TACC2: variants seen among roughly 807,000 people sequenced by gnomAD.
The protein encoded by TACC2 is transforming acidic coiled-coil containing protein 2.
TACC2 carries 137 observed loss-of-function variants against 227.3 expected under a neutral mutation model. The observed-to-expected ratio is 0.60, with a 90% CI of 0.52 to 0.69. The LOEUF (loss-of-function observed/expected upper bound fraction) is 0.69. Ranked by LOEUF, TACC2 falls within the 30% of genes least tolerant of loss-of-function variation. The pLI, the probability that TACC2 is intolerant of heterozygous loss-of-function variation, is 0.00. For synonymous variants in TACC2, 1,523 were observed against 1,487.5 expected (o/e 1.02, Z -0.55); for missense variants, 3,470 against 3,694.4 (o/e 0.94, Z 1.57).
chr10:122,124,518 G>A (rs1423132072), intron 5 of TACC2, among the ~76,000 whole-genome samples: 3 of 152,318 alleles, frequency 2.0e-5, no homozygotes, highest in South Asian at 2.1e-4. Context: ...TGGTCTGAGC[G>A]TCTGAGGTTC....
intron 1 of TACC2, among the ~76,000 whole-genome samples, chr10:122,013,012 TG>T (rs1242944105): frequency 2.0e-5 from 3 of 152,020 alleles, no homozygotes; most frequent in African/African-American, 7.2e-5. Flanking sequence ...AAAGCAGAAA[TG>T]GGGCTTGCAG....
intron 6 of TACC2, among the ~76,000 whole-genome samples, chr10:122,143,084 G>A (rs766534471): frequency 1.9e-4 from 29 of 152,286 alleles, no homozygotes; most frequent in Middle Eastern, 3.4e-3. Context: ...AACTGGTCCC[G>A]GGGCAGGTTC....
Position 122,180,542 on chromosome 10 carries a change from G to A in TACC2, c.5835-14498G>A, listed in dbSNP as rs1347427586. 1.3e-5 allele frequency among the ~76,000 whole-genome samples: 2 copies of A among 152,024 alleles called. No homozygotes were observed. Among genetic ancestry groups the A allele is most frequent in the East Asian group, 1.9e-4 (1 of 5,148 alleles). On this transcript the variant is annotated intron_variant, in intron 7 of 22. Coordinates refer to ENST00000369005, the MANE Select transcript of TACC2 (RefSeq NM_206862.4). The surrounding 1 kb of genome is among the most constrained non-coding windows in gnomAD (Gnocchi z 4.5). The stretch of plus-strand genomic sequence containing the variant: ...TTTGGTAGAAACGAGGTTTCACCAT[G>A]TTAGCCAGGATGGTCTCGATCTCCT...
chr10:122,107,221 T>A (rs1005532420), intron 5 of TACC2, among the ~76,000 whole-genome samples: 2 of 152,208 alleles, frequency 1.3e-5, no homozygotes, highest in African/African-American at 2.4e-5. Context: ...CCAAGTGTGC[T>A]CTGAAAAGCA....
Position 122,219,760 on chromosome 10 carries a change from G to A in TACC2, c.7546+2932G>A, listed in dbSNP as rs139176206. 7.4e-3 allele frequency among the ~76,000 whole-genome samples: 1,119 copies of A among 152,208 alleles called. 19 individuals are homozygous for A. Among genetic ancestry groups the A allele is most frequent in the African/African-American group, 0.026 (1,068 of 41,530 alleles). On this transcript the variant is annotated intron_variant, in intron 11 of 22. Coordinates refer to ENST00000369005, the MANE Select transcript of TACC2 (RefSeq NM_206862.4). ...TAGAAACCATCCTGAGGTTGGGGCCGGGCGTGGTGGCTCACACCTCTAATC... is the reference window on the plus strand; with the variant it reads ...TAGAAACCATCCTGAGGTTGGGGCCAGGCGTGGTGGCTCACACCTCTAATC...
At chr10:122,137,784 C>T (rs748280317) in intron 6 of TACC2, among the ~76,000 whole-genome samples, 1 of 152,184 alleles carries the variant, frequency 6.6e-6, no homozygotes, top group Non-Finnish European at 1.5e-5. Flanking sequence ...ATTTCCAGTC[C>T]TTGGAGAACC....
intron 5 of TACC2, among the ~76,000 whole-genome samples, chr10:122,109,168 G>T (rs2137936697): frequency 6.6e-6 from 1 of 152,306 alleles, no homozygotes; most frequent in Middle Eastern, 3.4e-3. Flanking sequence ...CCTCTGGGTA[G>T]ATAGCCAGGA....
At chr10:122,191,644 A>G (rs1032728245) in intron 7 of TACC2, among the ~76,000 whole-genome samples, 3 of 152,238 alleles carry the variant, frequency 2.0e-5, no homozygotes, top group African/African-American at 7.2e-5. Flanking sequence ...GTTGGTTTAC[A>G]CTATAGAAAT....
chr10:122,236,378 T>C (rs144330965), intron 16 of TACC2, among the ~76,000 whole-genome samples: 1 of 152,282 alleles, frequency 6.6e-6, no homozygotes, highest in African/African-American at 2.4e-5. Flanking sequence ...ACTCTAGTAT[T>C]GATAACTAGG....
intron 2 of TACC2, among the ~76,000 whole-genome samples, chr10:122,028,743 CT>C (rs1565106747): frequency 7.9e-6 from 1 of 126,326 alleles, no homozygotes; most frequent in Non-Finnish European, 1.8e-5. Flanking sequence ...TCCCCCTCCC[CT>C]CTCCTCCCTT....
At chr10:122,088,885 T>C (rs2137214625) in intron 5 of TACC2, 2 of 793,550 alleles carry the variant, frequency 2.5e-6, no homozygotes, top group Non-Finnish European at 3.9e-6. Context: ...CTTTGGGAGG[T>C]CGAGGCAGGA....
rs143072212 is a variant in TACC2, at chr10:122,060,017, G to A, written c.146+9467G>A. Reference sequence around the variant, plus strand: ...ACTGGATTAGATGGCCAGAGAAGGAGGTGATACAGGAACTGCGTCTGGAAT... The same window carrying A: ...ACTGGATTAGATGGCCAGAGAAGGAAGTGATACAGGAACTGCGTCTGGAAT... On this transcript the variant is annotated intron_variant, in intron 3 of 22. Coordinates refer to ENST00000369005, the MANE Select transcript of TACC2 (RefSeq NM_206862.4). Among the ~76,000 whole-genome samples, 378 of 152,270 alleles carry A rather than the reference G, an allele frequency of 2.5e-3. 4 individuals carry two copies. The highest frequency in any genetic ancestry group is 0.01 in the Middle Eastern group (3 of 294).
At chr10:122,170,624 A>C (rs554832312) in intron 7 of TACC2, among the ~76,000 whole-genome samples, 1 of 152,048 alleles carries the variant, frequency 6.6e-6, no homozygotes, top group Non-Finnish European at 1.5e-5. Flanking sequence ...TCTTATCTTC[A>C]CTTTTCCCTC....
At chr10:122,183,135 G>A (rs1028547911) in intron 7 of TACC2, among the ~76,000 whole-genome samples, 3 of 152,136 alleles carry the variant, frequency 2.0e-5, no homozygotes, top group Admixed American at 6.5e-5. Flanking sequence ...AACCTGGGAG[G>A]CAGAGGTTGC....
rs771921628 is a variant in TACC2, at chr10:122,050,481, G to C, written c.77G>C (p.Gly26Ala). 2 of 1,614,024 alleles carry C rather than the reference G, an allele frequency of 1.2e-6. No individual in the cohort carries two copies. The highest frequency in any genetic ancestry group is 1.7e-6 in the Non-Finnish European group (2 of 1,180,010). The change falls in exon 3 of 23, where the codon GGG (glycine) becomes GCG (alanine). Residue 26 changes from glycine (G) to alanine (A), a missense_variant. By Grantham distance (60) the Gly-to-Ala change is moderately conservative. This residue lies in a region of TACC2 where 405 missense variants were observed against 389.6 expected (regional missense o/e 1.04). Transcript: ENST00000369005. The surrounding 1 kb of genome is among the most constrained non-coding windows in gnomAD (Gnocchi z 4.6). The part of the protein sequence containing the change: ...AQTPRSAQPP[G>A]NSQNIKRKQQ... ...ACTCCAAGGTCCGCGCAGCCACCCG[G>C]GAACAGTCAGAATATAAAAAGGAAG...
chr10:122,179,921 A>G (rs890972291), intron 7 of TACC2, among the ~76,000 whole-genome samples: 2 of 151,186 alleles, frequency 1.3e-5, no homozygotes, highest in Admixed American at 1.3e-4. Context: ...CTCTACAAAA[A>G]ATAAAAAAAA....
At position 122,143,264 on chromosome 10, in the gene TACC2, A is replaced by C. The variant is rs144697184; in HGVS notation, c.5700-308A>C. On this transcript the variant is annotated intron_variant, in intron 6 of 22. Coordinates refer to ENST00000369005, the MANE Select transcript of TACC2 (RefSeq NM_206862.4). ...AAAAAATCCTCTCCTCTAAACAAAA[A>C]TCAAACGAGAAAACTCACATAGCGT... is the stretch of plus-strand genomic sequence containing the variant. Among the ~76,000 whole-genome samples, 128 of 152,294 alleles carry C rather than the reference A, an allele frequency of 8.4e-4. 1 individual carries two copies. Among genetic ancestry groups the C allele is most frequent in the African/African-American group, 2.7e-3 (114 of 41,558 alleles).
chr10:122,096,848 T>C (rs2081496847), intron 5 of TACC2, among the ~76,000 whole-genome samples: 1 of 152,216 alleles, frequency 6.6e-6, no homozygotes, highest in East Asian at 1.9e-4. Context: ...TCTCAGCCCC[T>C]TCTTTCTTCT....
At chr10:122,036,985 G>A (rs1030812828) in intron 2 of TACC2, among the ~76,000 whole-genome samples, 9 of 152,094 alleles carry the variant, frequency 5.9e-5, no homozygotes, top group African/African-American at 2.2e-4. Context: ...TTAAATTACA[G>A]TCATGCTTGT....
Sources: gnomAD v4.1 joint callset for allele counts (sites outside exome capture counted in the v4.1 genomes callset) on GRCh38, gnomAD v4.1.1 for gene constraint, gnomAD v4.1.1 regional missense constraint, Gnocchi (gnomAD v3.1) non-coding constraint, MANE v1.5 for transcripts, NCBI Gene and HGNC (gene_info 2026-07-23, HGNC 2026-07-21) for gene names.